The following CSMD2 variants were observed in gnomAD, a reference collection of about 807,000 sequenced individuals.
CSMD2 encodes the protein CUB and Sushi multiple domains 2.
A neutral mutation model predicts 398.5 loss-of-function variants in CSMD2; 130 were observed. That is an observed-to-expected ratio of 0.33 (90% confidence interval 0.28 to 0.38). CSMD2 has a LOEUF of 0.38. Ranked by LOEUF, CSMD2 falls within the 10% of genes least tolerant of loss-of-function variation. The pLI is 1.00. For synonymous variants in CSMD2, 1,828 were observed against 1,908.5 expected, an observed-to-expected ratio of 0.96 and a Z score of 1.10; for missense variants, 3,829 against 4,764.9, an observed-to-expected ratio of 0.80 and a Z score of 5.78.
chr1:33,959,615 C>T (rs1287767148), intron 3 of CSMD2, among the ~76,000 whole-genome samples: 2 of 152,170 alleles, frequency 1.3e-5, no homozygotes, highest in Non-Finnish European at 2.9e-5. Flanking sequence ...GCCCCCTCTC[C>T]CTCCTGCTGC....
intron 5 of CSMD2, chr1:33,875,458 T>G (rs1640773346): frequency 6.6e-6 from 1 of 152,204 alleles, no homozygotes; most frequent in Non-Finnish European, 1.5e-5. Flanking sequence ...TCACGTATAA[T>G]TCTAGAGGCA....
intron 55 of CSMD2, among the ~76,000 whole-genome samples, chr1:33,553,462 A>G (rs1203594360): frequency 2.6e-5 from 4 of 152,148 alleles, no homozygotes; most frequent in African/African-American, 7.2e-5. Flanking sequence ...TTCCTTGTCT[A>G]TCTCCCTCTC....
At chr1:33,695,510 TCTC>T (rs1645393095) in intron 24 of CSMD2, among the ~76,000 whole-genome samples, 2 of 152,062 alleles carry the variant, frequency 1.3e-5, no homozygotes, top group Non-Finnish European at 1.5e-5. Flanking sequence ...CTGCTGGTGT[TCTC>T]CTCCTTCCTC....
Position 33,519,466 on chromosome 1 carries a change from G to T in CSMD2, c.*52C>A. 1 of 1,583,482 alleles carries T rather than the reference G, an allele frequency of 6.3e-7. No homozygotes were observed. Among genetic ancestry groups the T allele is most frequent in the Non-Finnish European group, 8.6e-7 (1 of 1,159,220 alleles). On this transcript the variant is annotated splice_region_variant and 3_prime_UTR_variant, in exon 70 of 71. Coordinates refer to ENST00000373381, the MANE Select transcript of CSMD2 (RefSeq NM_001281956.2). The surrounding 1 kb of genome is among the most constrained non-coding windows in gnomAD (Gnocchi z 5.6). Reference sequence around the variant, plus strand: ...TCTTCCTCCCACACCCCTGCTCACCGGCTGCTGGAGGCGGGGCTCTCGGTG... The same window carrying T: ...TCTTCCTCCCACACCCCTGCTCACCTGCTGCTGGAGGCGGGGCTCTCGGTG...
chr1:33,716,019 C>T lies in CSMD2; in HGVS notation c.3217+267G>A, dbSNP rs190685837. Among the ~76,000 whole-genome samples the T allele has an allele frequency of 2.6e-5, 4 of 152,054 alleles. No individual in the cohort carries two copies. In the East Asian group the frequency reaches 7.7e-4, roughly 29 times the overall value. Reference sequence around the variant, plus strand: ...TTGTGAAGTCCTCTAGTTCATCCAGCTAGGTGGGCCATGTTCAGAGCAAAT... The same window carrying T: ...TTGTGAAGTCCTCTAGTTCATCCAGTTAGGTGGGCCATGTTCAGAGCAAAT... On this transcript the variant is annotated intron_variant, in intron 20 of 70. Transcript: ENST00000373381.
At chr1:34,018,073 G>A (rs1230265795) in intron 3 of CSMD2, among the ~76,000 whole-genome samples, 2 of 152,064 alleles carry the variant, frequency 1.3e-5, no homozygotes, top group Non-Finnish European at 1.5e-5. Context: ...GCCTGCCCAC[G>A]TCAACTGTTT....
intron 15 of CSMD2, among the ~76,000 whole-genome samples, chr1:33,733,206 T>C (rs922582667): frequency 6.6e-6 from 1 of 152,204 alleles, no homozygotes; most frequent in Non-Finnish European, 1.5e-5. Flanking sequence ...AGAGTGCCTC[T>C]GGAGTTACTC....
chr1:33,965,804 C>T (rs1645535866), intron 3 of CSMD2, among the ~76,000 whole-genome samples: 1 of 152,218 alleles, frequency 6.6e-6, no homozygotes, highest in Non-Finnish European at 1.5e-5. Context: ...ACCTGTGTGA[C>T]CTCACAGTTT....
chr1:33,538,396 T>C lies in CSMD2; in HGVS notation c.9632-787A>G, dbSNP rs553576327. 8.5e-5 allele frequency among the ~76,000 whole-genome samples: 13 copies of C among 152,334 alleles called. No homozygotes were observed. The South Asian group carries it at 2.7e-3, about 32-fold the overall frequency. On this transcript the variant is annotated intron_variant, in intron 60 of 70. Coordinates refer to ENST00000373381, the MANE Select transcript of CSMD2 (RefSeq NM_001281956.2). ...TAACATCAGGCAGTGCCATTAAAAA[T>C]TGACTACCAAAGGCAAAGCTCACCA...
intron 1 of CSMD2, among the ~76,000 whole-genome samples, chr1:34,118,454 A>T (rs1661825102): frequency 6.6e-6 from 1 of 152,302 alleles, no homozygotes; most frequent in African/African-American, 2.4e-5. Flanking sequence ...CCAAACTAAC[A>T]TTATTTCTGT....
In CSMD2 at chr1:33,632,913, T is replaced by C. The variant is rs371354347; in HGVS notation, c.5200+509A>G. ...TATGTAGCACTTAAAAATCCTAGCC[T>C]AGAAGAAAAAAAATGACAGAGAAAA... On this transcript the variant is annotated intron_variant, in intron 32 of 70. Transcript: ENST00000373381. Among the ~76,000 whole-genome samples, 109 of 152,098 alleles carry C rather than the reference T, an allele frequency of 7.2e-4. 1 individual carries two copies. The South Asian group carries it at 0.02, about 27-fold the overall frequency.
In CSMD2 at chr1:33,698,892, C is replaced by A; in HGVS notation, c.3786G>T (p.Lys1262Asn). The change falls in exon 24 of 71, where the codon AAG (lysine) becomes AAT (asparagine). Residue 1262 changes from lysine (K) to asparagine (N), a missense_variant. Transcript: ENST00000373381. The stretch of plus-strand genomic sequence containing the variant: ...CTGCAAAATGACCTTCATCATGAAC[C>A]TTGTAGCCAAACTTGGGGGTTCCTG... ...EDPGTPKFGY[K>N]VHDEGHFAGS... is the part of the protein sequence containing the mutation. The A allele has an allele frequency of 6.2e-7, 1 of 1,614,158 alleles. No homozygotes were observed. Among genetic ancestry groups the A allele is most frequent in the Non-Finnish European group, 8.5e-7 (1 of 1,180,010 alleles).
chr1:34,010,616 T>C (rs1055431534), intron 3 of CSMD2, among the ~76,000 whole-genome samples: 1 of 151,880 alleles, frequency 6.6e-6, no homozygotes, highest in Non-Finnish European at 1.5e-5. Flanking sequence ...GATTTTTTTT[T>C]TCTTTTTTTT....
intron 5 of CSMD2, among the ~76,000 whole-genome samples, chr1:33,872,219 G>A (rs1640525842): frequency 6.6e-6 from 1 of 152,006 alleles, no homozygotes; most frequent in Admixed American, 6.6e-5. Flanking sequence ...AGATGTCCAA[G>A]CAAAGTGTTG....
chr1:33,883,599 G>A (rs1486912293), intron 5 of CSMD2, among the ~76,000 whole-genome samples: 2 of 152,150 alleles, frequency 1.3e-5, no homozygotes, highest in African/African-American at 4.8e-5. Flanking sequence ...CTGTGAGTGT[G>A]AAATCTAGAC....
intron 50 of CSMD2, 30 bp downstream of exon 50, chr1:33,572,476 T>C (rs1201857566): frequency 2.6e-6 from 4 of 1,519,048 alleles, no homozygotes; most frequent in Middle Eastern, 2.4e-4. Flanking sequence ...AGCCCTTCCT[T>C]ACACCCGCCT....
At chr1:34,035,732 C>A (rs1305902039) in intron 2 of CSMD2, among the ~76,000 whole-genome samples, 1 of 141,368 alleles carries the variant, frequency 7.1e-6, no homozygotes, top group African/African-American at 2.6e-5. Flanking sequence ...TGATAAAGAA[C>A]ATCTACAAAA....
intron 19 of CSMD2, among the ~76,000 whole-genome samples, chr1:33,723,783 A>C (rs1646435641): frequency 2.0e-5 from 3 of 152,326 alleles, no homozygotes; most frequent in Admixed American, 2.0e-4. Context: ...CACCTAATAG[A>C]CTATTAGAAG....
At chr1:33,920,962 C>T (rs779036796) in intron 4 of CSMD2, among the ~76,000 whole-genome samples, 9 of 152,054 alleles carry the variant, frequency 5.9e-5, no homozygotes, top group Non-Finnish European at 1.3e-4. Flanking sequence ...GTGTTTTAGG[C>T]AGAAAAACAG....
Sources: gnomAD v4.1 joint callset for allele counts (sites outside exome capture counted in the v4.1 genomes callset) on GRCh38, gnomAD v4.1.1 for gene constraint, Gnocchi (gnomAD v3.1) non-coding constraint, MANE v1.5 for transcripts, NCBI Gene and HGNC (gene_info 2026-07-23, HGNC 2026-07-21) for gene names.